Variants in TLK1 observed in about 807,000 individuals in gnomAD.
The protein encoded by TLK1 is serine/threonine-protein kinase tousled-like 1.
A neutral mutation model predicts 105.3 loss-of-function variants in TLK1; 24 were observed. That is an observed-to-expected ratio of 0.23 (90% confidence interval 0.17 to 0.32). TLK1 has a LOEUF of 0.32. Ranked by LOEUF, TLK1 falls within the 10% of genes least tolerant of loss-of-function variation. The pLI, the probability that TLK1 is intolerant of heterozygous loss-of-function variation, is 1.00. For missense variants in TLK1, 558 were observed against 910.5 expected, an observed-to-expected ratio of 0.61 and a Z score of 4.98; for synonymous variants, 321 against 310.4, an observed-to-expected ratio of 1.03 and a Z score of -0.36.
chr2:171,015,794 G>C (rs1270179369), intron 12 of TLK1, among the ~76,000 whole-genome samples: 2 of 151,950 alleles, frequency 1.3e-5, no homozygotes, highest in Non-Finnish European at 2.9e-5. Flanking sequence ...GACTAGGGCT[G>C]GGTGCAGTGG....
chr2:171,063,302 C>A (rs910406997), intron 3 of TLK1, among the ~76,000 whole-genome samples: 1 of 152,142 alleles, frequency 6.6e-6, no homozygotes, highest in African/African-American at 2.4e-5. Flanking sequence ...GCCAAGATCA[C>A]ACCACTGCAC....
chr2:171,149,094 CTTT>C (rs1691920285), intron 1 of TLK1, among the ~76,000 whole-genome samples: 4 of 74,252 alleles, frequency 5.4e-5, no homozygotes, highest in Non-Finnish European at 8.5e-5. Flanking sequence ...CTTTGAATTA[CTTT>C]TCTTTTTTTT....
intron 3 of TLK1, among the ~76,000 whole-genome samples, chr2:171,068,559 A>AT (rs1373802213): frequency 6.6e-6 from 1 of 152,156 alleles, no homozygotes; most frequent in African/African-American, 2.4e-5. Context: ...TAAAGCTTTT[A>AT]TTTAAAGCTT....
At chr2:171,098,608 A>G (rs1689554321) in intron 2 of TLK1, among the ~76,000 whole-genome samples, 1 of 152,210 alleles carries the variant, frequency 6.6e-6, no homozygotes, top group South Asian at 2.1e-4. Context: ...CAGAAGGAAC[A>G]CTTACCAACT....
At chr2:171,008,245 C>T (rs998844231) in intron 14 of TLK1, among the ~76,000 whole-genome samples, 12 of 152,220 alleles carry the variant, frequency 7.9e-5, no homozygotes, top group African/African-American at 2.9e-4. Context: ...AATACCCTCT[C>T]TGAGCCCCAA....
At chr2:171,073,311 C>G (rs947773380) in intron 3 of TLK1, among the ~76,000 whole-genome samples, 4 of 152,264 alleles carry the variant, frequency 2.6e-5, no homozygotes, top group Non-Finnish European at 2.9e-5. Flanking sequence ...CTTGCTGTAA[C>G]AAACAACCAC....
intron 1 of TLK1, among the ~76,000 whole-genome samples, chr2:171,210,280 T>TA (rs1001811358): frequency 2.7e-5 from 4 of 148,298 alleles, no homozygotes; most frequent in African/African-American, 7.5e-5. Context: ...TTTTTATTAT[T>TA]TTTTTTTTTT....
At chr2:171,226,957 A>T (rs959671285) in intron 1 of TLK1, among the ~76,000 whole-genome samples, 1 of 152,212 alleles carries the variant, frequency 6.6e-6, no homozygotes, top group Admixed American at 6.5e-5. Flanking sequence ...GGAATTAGAA[A>T]ATAAATTTCA....
At chr2:171,194,820 GAAAAAAA>G (rs370489277) in intron 1 of TLK1, among the ~76,000 whole-genome samples, 110 of 94,382 alleles carry the variant, frequency 1.2e-3, no homozygotes, top group African/African-American at 4.0e-3. Context: ...CCGTCTCAGG[GAAAAAAA>G]AAAAAAAAAA....
chr2:171,199,461 C>T (rs566854087), intron 1 of TLK1, among the ~76,000 whole-genome samples: 5 of 151,904 alleles, frequency 3.3e-5, no homozygotes, highest in Admixed American at 6.5e-5. Context: ...TGCAGTGAGC[C>T]GTGATCACAT....
chr2:171,057,245 A>AT (rs1297426864), intron 5 of TLK1, among the ~76,000 whole-genome samples: 9 of 152,022 alleles, frequency 5.9e-5, no homozygotes, highest in African/African-American at 9.7e-5. Flanking sequence ...GGGGGTGTAG[A>AT]TTATTGTCCA....
chr2:170,993,038 C>T lies in TLK1; in HGVS notation c.*742G>A, dbSNP rs767573371. On this transcript the variant is annotated 3_prime_UTR_variant, in exon 21 of 21. Transcript: ENST00000431350. Reference sequence around the variant, plus strand: ...TATCAATTCTAACGTGTTGAAAACACTGGCAATATTATAATTTAGTGAATT... The same window carrying T: ...TATCAATTCTAACGTGTTGAAAACATTGGCAATATTATAATTTAGTGAATT... 2.0e-5 allele frequency: 3 copies of T among 152,650 alleles called. No homozygotes were observed. The highest frequency in any genetic ancestry group is 2.9e-5 in the Non-Finnish European group (2 of 68,034). The allele number at this position is 152,650 out of a possible 1,614,324, so 9.5% of individuals were successfully genotyped here. A position where few individuals can be genotyped will look rare whatever the true frequency, so the allele number is the denominator to read the frequency against.
At chr2:171,082,253 C>A (rs928566281) in intron 3 of TLK1, among the ~76,000 whole-genome samples, 1 of 151,814 alleles carries the variant, frequency 6.6e-6, no homozygotes, top group African/African-American at 2.4e-5. Flanking sequence ...CAGATATTTT[C>A]TTGGTGGGAT....
intron 1 of TLK1, among the ~76,000 whole-genome samples, chr2:171,180,169 C>G (rs1692902968): frequency 6.6e-6 from 1 of 151,038 alleles, no homozygotes; most frequent in African/African-American, 2.4e-5. Flanking sequence ...GGGGCCACTG[C>G]ACTCTGGCTC....
intron 1 of TLK1, among the ~76,000 whole-genome samples, chr2:171,122,514 G>A (rs1690694557): frequency 6.6e-6 from 1 of 152,064 alleles, no homozygotes; most frequent in African/African-American, 2.4e-5. Context: ...ATACATTCAT[G>A]TTTCAGAAGT....
At chr2:171,183,877 G>C (rs942221295) in intron 1 of TLK1, among the ~76,000 whole-genome samples, 1 of 152,076 alleles carries the variant, frequency 6.6e-6, no homozygotes, top group Non-Finnish European at 1.5e-5. Flanking sequence ...TTCACCTGTA[G>C]TAGGCAGAAT....
At chr2:171,075,757 C>CT (rs974613804) in intron 3 of TLK1, among the ~76,000 whole-genome samples, 2 of 152,120 alleles carry the variant, frequency 1.3e-5, no homozygotes, top group African/African-American at 4.8e-5. Flanking sequence ...AATGGTTATG[C>CT]TTTTAATAAT....
At chr2:171,167,511 C>G (rs777117616) in intron 1 of TLK1, among the ~76,000 whole-genome samples, 2 of 152,188 alleles carry the variant, frequency 1.3e-5, no homozygotes, top group Non-Finnish European at 2.9e-5. Context: ...TTGGTTCTAT[C>G]TTCATTGCAC....
intron 3 of TLK1, among the ~76,000 whole-genome samples, chr2:171,073,445 A>G (rs1176488838): frequency 5.3e-5 from 8 of 152,164 alleles, no homozygotes; most frequent in Non-Finnish European, 1.2e-4. Flanking sequence ...GACAGAATAT[A>G]TCAGAATTTC....
Sources: gnomAD v4.1 joint callset for allele counts (sites outside exome capture counted in the v4.1 genomes callset) on GRCh38, gnomAD v4.1.1 for gene constraint, MANE v1.5 for transcripts, NCBI Gene and HGNC (gene_info 2026-07-23, HGNC 2026-07-21) for gene names.